Variants in MARCHF2 observed in about 807,000 individuals in gnomAD.
MARCHF2 encodes the protein E3 ubiquitin-protein ligase MARCHF2.
In MARCHF2, 22 loss-of-function variants were observed where a neutral mutation model predicts 24.0. The ratio of observed to expected loss-of-function variants is 0.92; its 90% CI spans 0.66 to 1.31. The LOEUF is 1.31. Among genes scored for constraint, MARCHF2 ranks in the 50% most tolerant of loss-of-function variants. The pLI is 0.00. For synonymous variants in MARCHF2, 154 were observed against 153.0 expected (o/e 1.01, Z -0.05); for missense variants, 301 against 335.3 (o/e 0.90, Z 0.80).
At chr19:8,427,119 C>G (rs955755769) in intron 3 of MARCHF2, among the ~76,000 whole-genome samples, 1 of 152,094 alleles carries the variant, frequency 6.6e-6, no homozygotes, top group African/African-American at 2.4e-5. Context: ...GCGATCTCGG[C>G]TCACTGCAAC....
rs1967654608 is a variant in MARCHF2, at chr19:8,434,189, A to G, written c.582+3322A>G. On this transcript the variant is annotated intron_variant, in intron 4 of 4. Transcript: ENST00000215555. ...CATCTCCGCCTCCTGGGCTCAAGCGATTCTCCTGTCTCAGCCTCCTGAGTA... is the reference window on the plus strand; with the variant it reads ...CATCTCCGCCTCCTGGGCTCAAGCGGTTCTCCTGTCTCAGCCTCCTGAGTA... 2.0e-5 allele frequency among the ~76,000 whole-genome samples: 3 copies of G among 146,454 alleles called. No homozygotes were observed. In the South Asian group the frequency reaches 6.4e-4, roughly 31 times the overall value.
chr19:8,423,202 G>GC (rs1022144766), intron 2 of MARCHF2, among the ~76,000 whole-genome samples: 3 of 150,264 alleles, frequency 2.0e-5, no homozygotes, highest in Non-Finnish European at 4.4e-5. Flanking sequence ...TAGGATTACA[G>GC]CCCCCCCGCC....
intron 2 of MARCHF2, among the ~76,000 whole-genome samples, chr19:8,424,540 G>GC (rs1256374198): frequency 6.6e-6 from 1 of 151,930 alleles, no homozygotes; most frequent in Non-Finnish European, 1.5e-5. Context: ...GGTGGCCGGC[G>GC]CCTGTAGTCC....
chr19:8,435,587 G>A (rs1967693429), intron 4 of MARCHF2, among the ~76,000 whole-genome samples: 1 of 152,102 alleles, frequency 6.6e-6, no homozygotes, highest in South Asian at 2.1e-4. Context: ...CTCTCAGACT[G>A]GAGTGCAGTG....
chr19:8,433,112 C>T (rs769083945), intron 4 of MARCHF2, among the ~76,000 whole-genome samples: 2 of 151,924 alleles, frequency 1.3e-5, no homozygotes, highest in South Asian at 4.2e-4. Flanking sequence ...TCAGCTACTC[C>T]GGAGGGTGAG....
At chr19:8,432,465 G>A (rs1277069224) in intron 4 of MARCHF2, among the ~76,000 whole-genome samples, 1 of 152,042 alleles carries the variant, frequency 6.6e-6, no homozygotes, top group African/African-American at 2.4e-5. Context: ...AGACTAGCAG[G>A]GCAACTTAGG....
At position 8,413,330 on chromosome 19, in the gene MARCHF2, G is replaced by C. The variant is rs1298407588; in HGVS notation, c.-143G>C. On this transcript the variant is annotated 5_prime_UTR_variant, in exon 1 of 5. Transcript: ENST00000215555. The stretch of plus-strand genomic sequence containing the variant: ...GGACGCAGGTGCCGGCCGGAGCGGA[G>C]CTAGTGGCGCCGACGGGCCGGGCCG... The C allele has an allele frequency of 6.6e-6, 1 of 151,902 alleles. No individual in the cohort carries two copies. Among genetic ancestry groups the C allele is most frequent in the Non-Finnish European group, 1.5e-5 (1 of 67,978 alleles). 9.4% of individuals were successfully genotyped at this position (151,902 alleles called of 1,614,324 possible). A position where few individuals can be genotyped will look rare whatever the true frequency, so the allele number is the denominator to read the frequency against.
At chr19:8,435,820 C>T (rs1375161356) in intron 4 of MARCHF2, among the ~76,000 whole-genome samples, 1 of 143,406 alleles carries the variant, frequency 7.0e-6, no homozygotes, top group Non-Finnish European at 1.5e-5. Context: ...TGAGCCACTG[C>T]ACCTGGCCTG....
chr19:8,430,898 T>G lies in MARCHF2; in HGVS notation c.582+31T>G. ...TGGCTGTGGTTGTGCAGCACGCGTC[T>G]CGAGCTCTGCCGCTGGGAGCAGCAG... On this transcript the variant is annotated intron_variant, in intron 4 of 4. Coordinates refer to ENST00000215555, the MANE Select transcript of MARCHF2 (RefSeq NM_001005415.2). The surrounding 1 kb of genome is among the most constrained non-coding windows in gnomAD (Gnocchi z 4.4). 6 of 1,539,196 alleles carry G rather than the reference T, an allele frequency of 3.9e-6. No individual in the cohort carries two copies. The highest frequency in any genetic ancestry group is 4.4e-6 in the Non-Finnish European group (5 of 1,141,880).
Position 8,438,521 on chromosome 19 carries a change from A to C in MARCHF2, c.716A>C (p.Lys239Thr). ...HSPLAAGLLKKVAEETPV is the reference protein window; with the variant it reads ...HSPLAAGLLKTVAEETPV Reference sequence around the variant, plus strand: ...CCACTGGCAGCTGGACTCCTGAAGAAGGTGGCAGAGGAGACACCAGTATGA... The same window carrying C: ...CCACTGGCAGCTGGACTCCTGAAGACGGTGGCAGAGGAGACACCAGTATGA... Residue 239 changes from lysine to threonine, a missense_variant, in exon 5 of 5, where the codon AAG (lysine) becomes ACG (threonine). Physicochemically the swap from Lys to Thr is moderately conservative, Grantham distance 78. Transcript: ENST00000215555. The C allele has an allele frequency of 6.2e-7, 1 of 1,614,110 alleles. No individual in the cohort carries two copies. Among genetic ancestry groups the C allele is most frequent in the Non-Finnish European group, 8.5e-7 (1 of 1,180,040 alleles).
At chr19:8,425,051 C>T (rs1469937689) in intron 2 of MARCHF2, among the ~76,000 whole-genome samples, 1 of 151,928 alleles carries the variant, frequency 6.6e-6, no homozygotes, top group African/African-American at 2.4e-5. Flanking sequence ...GGGACCACAA[C>T]ATGTACCACC....
intron 4 of MARCHF2, among the ~76,000 whole-genome samples, chr19:8,435,309 C>T (rs111813924): frequency 5.3e-5 from 8 of 151,962 alleles, no homozygotes; most frequent in African/African-American, 9.6e-5. Context: ...TGAGCCACCA[C>T]ACTAGGCCAT....
intron 1 of MARCHF2, among the ~76,000 whole-genome samples, chr19:8,415,005 C>T (rs960362731): frequency 6.6e-6 from 1 of 152,226 alleles, no homozygotes; most frequent in Non-Finnish European, 1.5e-5. Flanking sequence ...CCACCCCTTC[C>T]TAGCTATATG....
chr19:8,417,337 G>C (rs138503311), intron 1 of MARCHF2, among the ~76,000 whole-genome samples: 1 of 152,132 alleles, frequency 6.6e-6, no homozygotes, highest in South Asian at 2.1e-4. Flanking sequence ...CCAGCTACTC[G>C]ACAGGCTGAA....
At chr19:8,415,406 A>T (rs530466665) in intron 1 of MARCHF2, among the ~76,000 whole-genome samples, 12 of 150,584 alleles carry the variant, frequency 8.0e-5, no homozygotes, top group African/African-American at 2.7e-4. Context: ...AGAAAAAAAA[A>T]AAAAAACAGA....
At chr19:8,438,268 G>A in intron 4 of MARCHF2, 120 bp from the exon 5 acceptor site, 2 of 1,013,576 alleles carry the variant, frequency 2.0e-6, no homozygotes, top group Non-Finnish European at 3.0e-6. Flanking sequence ...TCATAAGCCA[G>A]CTCTGCTTCT....
rs140893509 is a variant in MARCHF2, at chr19:8,438,728, G to T, written c.*182G>T. The T allele has an allele frequency of 6.6e-3, 3,535 of 539,034 alleles. 21 individuals are homozygous for T. The highest frequency in any genetic ancestry group is 0.021 in the South Asian group (787 of 38,016). The allele number at this position is 539,034 out of a possible 1,614,324, so 33.4% of individuals were successfully genotyped here. A position where few individuals can be genotyped will look rare whatever the true frequency, so the allele number is the denominator to read the frequency against. On this transcript the variant is annotated 3_prime_UTR_variant, in exon 5 of 5. Transcript: ENST00000215555. ...TGATCCTGTGTGAAGATATTTTCAG[G>T]GTTTTTTTTTTTTTTTTTTTGCATA... is the stretch of plus-strand genomic sequence containing the variant.
In MARCHF2 at chr19:8,430,587, G is replaced by A; in HGVS notation, c.373-71G>A. On this transcript the variant is annotated intron_variant, in intron 3 of 4. Coordinates refer to ENST00000215555, the MANE Select transcript of MARCHF2 (RefSeq NM_001005415.2). This position sits in a 1 kb window ranked among gnomAD's most constrained non-coding sequence, Gnocchi z 4.4. ...GACAGAGGGAGGCCTAGGCCTGGAGGTCCTTACCCCTCCCCCTCAGTAGCC... is the reference window on the plus strand; with the variant it reads ...GACAGAGGGAGGCCTAGGCCTGGAGATCCTTACCCCTCCCCCTCAGTAGCC... The A allele has an allele frequency of 7.9e-7, 1 of 1,268,096 alleles. No individual in the cohort carries two copies. The highest frequency in any genetic ancestry group is 1.1e-6 in the Non-Finnish European group (1 of 884,410). 78.6% of individuals were successfully genotyped at this position (1,268,096 alleles called of 1,614,324 possible). A position where few individuals can be genotyped will look rare whatever the true frequency, so the allele number is the denominator to read the frequency against.
intron 1 of MARCHF2, 88 bp from the exon 2 acceptor site, chr19:8,421,701 C>A: frequency 1.5e-6 from 1 of 660,874 alleles, no homozygotes; most frequent in Non-Finnish European, 2.5e-6. Flanking sequence ...GTCTAGTGGT[C>A]CCTACAGCCT....
Sources: gnomAD v4.1 joint callset for allele counts (sites outside exome capture counted in the v4.1 genomes callset) on GRCh38, gnomAD v4.1.1 for gene constraint, Gnocchi (gnomAD v3.1) non-coding constraint, MANE v1.5 for transcripts, NCBI Gene and HGNC (gene_info 2026-07-23, HGNC 2026-07-21) for gene names.